Variants in LASP1 observed in about 807,000 individuals in gnomAD.
LASP1 encodes the protein LIM and SH3 protein 1.
A neutral mutation model predicts 38.6 loss-of-function variants in LASP1; 10 were observed. The ratio of observed to expected loss-of-function variants is 0.26; its 90% CI spans 0.16 to 0.44. The LOEUF is 0.44. Ranked by LOEUF, LASP1 falls within the 20% of genes least tolerant of loss-of-function variation. The probability of loss-of-function intolerance (pLI) is 1.00; values close to 1 mark genes in which losing one functional copy is unlikely to be tolerated. For synonymous variants in LASP1, 132 were observed against 140.8 expected, an observed-to-expected ratio of 0.94 and a Z score of 0.44; for missense variants, 243 against 375.7, an observed-to-expected ratio of 0.65 and a Z score of 2.92.
chr17:38,919,086 G>C lies in LASP1; in HGVS notation c.*308G>C, dbSNP rs1915223323. On this transcript the variant is annotated 3_prime_UTR_variant, in exon 7 of 7. Coordinates refer to ENST00000318008, the MANE Select transcript of LASP1 (RefSeq NM_006148.4). Reference sequence around the variant, plus strand: ...GCCTGTGGGCCTCACCTGCCCCTCTGTTCTCTCCCCTCACATCCTCCTGCC... The same window carrying C: ...GCCTGTGGGCCTCACCTGCCCCTCTCTTCTCTCCCCTCACATCCTCCTGCC... The C allele has an allele frequency of 2.4e-6, 1 of 423,964 alleles. No individual in the cohort carries two copies. Among genetic ancestry groups the C allele is most frequent in the East Asian group, 4.2e-5 (1 of 23,772 alleles). The allele number at this position is 423,964 out of a possible 1,614,324, so 26.3% of individuals were successfully genotyped here.
chr17:38,895,647 C>G (rs910261501), intron 3 of LASP1, among the ~76,000 whole-genome samples: 3 of 152,102 alleles, frequency 2.0e-5, no homozygotes, highest in Non-Finnish European at 1.5e-5. Flanking sequence ...GATCCTTCTT[C>G]TTATATTGGG....
intron 4 of LASP1, among the ~76,000 whole-genome samples, chr17:38,902,409 G>T (rs1914669014): frequency 7.3e-6 from 1 of 137,310 alleles, no homozygotes; most frequent in African/African-American, 2.7e-5. Flanking sequence ...CAGAGACAGG[G>T]TCTCACTATG....
Position 38,870,111 on chromosome 17 carries a change from G to C in LASP1, c.-79G>C. On this transcript the variant is annotated 5_prime_UTR_variant, in exon 1 of 7. Coordinates refer to ENST00000318008, the MANE Select transcript of LASP1 (RefSeq NM_006148.4). The stretch of plus-strand genomic sequence containing the variant: ...CTGCTGCCTGTGTAGTTGCAGCCGC[G>C]GCCGCCTCCCGCCAGCTCGCCTCGG... 1 of 1,538,194 alleles carries C rather than the reference G, an allele frequency of 6.5e-7. No homozygotes were observed. Among genetic ancestry groups the C allele is most frequent in the Non-Finnish European group, 8.9e-7 (1 of 1,122,450 alleles).
chr17:38,913,050 G>C (rs1371098696), intron 4 of LASP1, among the ~76,000 whole-genome samples: 1 of 152,144 alleles, frequency 6.6e-6, no homozygotes. Context: ...GGCTTGGTGG[G>C]CACCTGCCTC....
At chr17:38,887,326 C>T (rs1479122217) in intron 2 of LASP1, among the ~76,000 whole-genome samples, 1 of 152,084 alleles carries the variant, frequency 6.6e-6, no homozygotes, top group Non-Finnish European at 1.5e-5. Flanking sequence ...GTCGTCTCGT[C>T]TCTGAAGCGC....
chr17:38,910,563 G>C (rs1914909297), intron 4 of LASP1, among the ~76,000 whole-genome samples: 1 of 151,674 alleles, frequency 6.6e-6, no homozygotes, highest in Non-Finnish European at 1.5e-5. Flanking sequence ...TTCTGCTCTA[G>C]ACCACCCGTT....
chr17:38,919,903 T>G lies in LASP1; in HGVS notation c.*1125T>G, dbSNP rs892452689. ...GTGAGTGTGAGAGATGGGGCGGGGG[T>G]GTGTCTGTAGGTGTCTCTGGGCCTG... On this transcript the variant is annotated 3_prime_UTR_variant, in exon 7 of 7. Transcript: ENST00000318008. 6.0e-6 allele frequency: 3 copies of G among 500,808 alleles called. No homozygotes were observed. The highest frequency in any genetic ancestry group is 1.2e-5 in the Non-Finnish European group (3 of 256,590). 31.0% of individuals were successfully genotyped at this position (500,808 alleles called of 1,614,324 possible).
intron 4 of LASP1, among the ~76,000 whole-genome samples, chr17:38,907,732 C>T (rs935613183): frequency 1.3e-5 from 2 of 152,110 alleles, no homozygotes; most frequent in African/African-American, 2.4e-5. Context: ...GTCAGCCAGC[C>T]GTAACTTTAG....
At chr17:38,896,737 T>C (rs1474517793) in intron 3 of LASP1, among the ~76,000 whole-genome samples, 5 of 152,170 alleles carry the variant, frequency 3.3e-5, no homozygotes, top group African/African-American at 4.8e-5. Context: ...ATTTTACAGA[T>C]GTGGGAACTG....
chr17:38,879,814 A>G (rs1913890833), intron 2 of LASP1, among the ~76,000 whole-genome samples: 2 of 151,872 alleles, frequency 1.3e-5, no homozygotes, highest in Non-Finnish European at 2.9e-5. Flanking sequence ...ATACATACTA[A>G]CCTGCACCAG....
intron 4 of LASP1, among the ~76,000 whole-genome samples, chr17:38,914,041 C>T (rs1915036629): frequency 6.6e-6 from 1 of 151,760 alleles, no homozygotes; most frequent in Non-Finnish European, 1.5e-5. Context: ...TCACTTTGGT[C>T]TGATTCTTCA....
chr17:38,898,081 G>C, intron 3 of LASP1, among the ~76,000 whole-genome samples: 1 of 152,184 alleles, frequency 6.6e-6, no homozygotes, highest in Non-Finnish European at 1.5e-5. Context: ...AGGGGACTTT[G>C]CCTTTCTGTG....
intron 4 of LASP1, chr17:38,903,615 TC>T (rs1914702588): frequency 6.6e-6 from 1 of 152,260 alleles, no homozygotes; most frequent in Admixed American, 6.5e-5. Flanking sequence ...AGCCTTGAAC[TC>T]CTGGGTTTAA....
At chr17:38,897,490 A>G (rs1338385606) in intron 3 of LASP1, among the ~76,000 whole-genome samples, 1 of 152,220 alleles carries the variant, frequency 6.6e-6, no homozygotes, top group Non-Finnish European at 1.5e-5. Context: ...AAGCCAAGGA[A>G]TAGTTTCCTG....
intron 3 of LASP1, among the ~76,000 whole-genome samples, chr17:38,898,043 T>G: frequency 6.6e-6 from 1 of 152,212 alleles, no homozygotes; most frequent in East Asian, 1.9e-4. Context: ...GTGCCGGACA[T>G]TGACTGCTAA....
chr17:38,914,002 GAA>G (rs34463489), intron 4 of LASP1, among the ~76,000 whole-genome samples: 14 of 119,548 alleles, frequency 1.2e-4, no homozygotes, highest in Admixed American at 1.7e-4. Context: ...ACTCCGTCTC[GAA>G]AAAAAAAAAA....
chr17:38,898,918 G>A (rs898471163), intron 4 of LASP1: 40 of 368,154 alleles, frequency 1.1e-4, no homozygotes, highest in Admixed American at 3.8e-4. Flanking sequence ...TGACATTGCA[G>A]TCATTTCCGC....
At chr17:38,870,492 G>A (rs1033469932) in intron 1 of LASP1, among the ~76,000 whole-genome samples, 1 of 152,210 alleles carries the variant, frequency 6.6e-6, no homozygotes, top group African/African-American at 2.4e-5. Flanking sequence ...AGAGGGGTGG[G>A]CTCTGTGTCC....
At chr17:38,897,028 G>A (rs1026380160) in intron 3 of LASP1, 6 of 985,354 alleles carry the variant, frequency 6.1e-6, no homozygotes, top group Admixed American at 6.2e-5. Flanking sequence ...AAGAGTCACC[G>A]TGCTGGCCCA....
Sources: allele counts gnomAD v4.1 joint callset (sites outside exome capture counted in the v4.1 genomes callset), GRCh38; gene constraint gnomAD v4.1.1; transcripts MANE v1.5; gene names NCBI Gene and HGNC (gene_info 2026-07-23, HGNC 2026-07-21).